The following RALYL variants were observed in gnomAD, a reference collection of about 807,000 sequenced individuals.
RALYL encodes RNA-binding Raly-like protein.
In RALYL, 29 loss-of-function variants were observed where a neutral mutation model predicts 35.1. That is an observed-to-expected ratio of 0.83 (90% CI 0.61 to 1.13). The LOEUF is 1.13. RALYL is among the 50% of genes most tolerant of loss of function. The pLI is 0.00. For missense variants in RALYL, 359 were observed against 360.4 expected, an observed-to-expected ratio of 1.00 and a Z score of 0.03; for synonymous variants, 120 against 127.6, an observed-to-expected ratio of 0.94 and a Z score of 0.40.
At chr8:84,534,334 A>C (rs909913992) in intron 2 of RALYL, among the ~76,000 whole-genome samples, 1 of 152,214 alleles carries the variant, frequency 6.6e-6, no homozygotes, top group Non-Finnish European at 1.5e-5. Flanking sequence ...CAGATCTCAA[A>C]TGAAATTTCA....
chr8:84,622,403 C>T (rs187594795), intron 2 of RALYL, among the ~76,000 whole-genome samples: 15 of 152,270 alleles, frequency 9.9e-5, no homozygotes, highest in South Asian at 6.2e-4. Context: ...ATATGAGCAT[C>T]GTTTACTAGG....
At chr8:84,748,862 C>T (rs10096903) in intron 2 of RALYL, among the ~76,000 whole-genome samples, 42,797 of 151,840 alleles carry the variant, frequency 0.28, 6,614 homozygotes, top group African/African-American at 0.39. Flanking sequence ...AAAATATCAA[C>T]GAGCCGGCAT....
At chr8:84,533,860 T>G (rs1343696084) in intron 2 of RALYL, among the ~76,000 whole-genome samples, 1 of 152,140 alleles carries the variant, frequency 6.6e-6, no homozygotes. Flanking sequence ...AGGAAGATGT[T>G]TGAGAGAGAT....
At chr8:84,894,893 G>A (rs1181420864) in intron 8 of RALYL, among the ~76,000 whole-genome samples, 2 of 152,148 alleles carry the variant, frequency 1.3e-5, no homozygotes, top group African/African-American at 4.8e-5. Context: ...CAAGAGCTCT[G>A]CCTGCAGTCT....
At chr8:84,297,332 T>C (rs767748843) in intron 1 of RALYL, among the ~76,000 whole-genome samples, 1 of 152,100 alleles carries the variant, frequency 6.6e-6, no homozygotes, top group African/African-American at 2.4e-5. Flanking sequence ...CTGTGTTAGT[T>C]CACTTAAGAT....
chr8:84,501,998 G>T (rs184303688), intron 1 of RALYL, among the ~76,000 whole-genome samples: 1 of 151,530 alleles, frequency 6.6e-6, no homozygotes, highest in Non-Finnish European at 1.5e-5. Flanking sequence ...ATTGATTATT[G>T]TAAAGGTGTA....
rs1468212878 is a variant in RALYL, at chr8:84,617,967, T to G, written c.256+88390T>G. 2.6e-5 allele frequency among the ~76,000 whole-genome samples: 4 copies of G among 151,822 alleles called. No individual in the cohort carries two copies. In the East Asian group the frequency reaches 7.7e-4, roughly 29 times the overall value. On this transcript the variant is annotated intron_variant, in intron 2 of 8. Coordinates refer to ENST00000521268, the MANE Select transcript of RALYL (RefSeq NM_173848.7). ...CCCACTTGATCATGGTGGATAAGCC[T>G]TTTGATGTGCTGCTGGATTCGTTTT...
intron 1 of RALYL, among the ~76,000 whole-genome samples, chr8:84,333,894 T>C (rs932601485): frequency 2.0e-5 from 3 of 152,110 alleles, no homozygotes; most frequent in Admixed American, 1.3e-4. Flanking sequence ...ACTTGTTTTT[T>C]TCCCCCCTTG....
intron 2 of RALYL, among the ~76,000 whole-genome samples, chr8:84,694,106 C>A (rs571237957): frequency 2.6e-5 from 4 of 151,854 alleles, no homozygotes; most frequent in African/African-American, 9.6e-5. Context: ...GAAGTCCTAG[C>A]CAAAGCAATT....
At chr8:84,210,373 T>C (rs1167468088) in intron 1 of RALYL, among the ~76,000 whole-genome samples, 2 of 146,112 alleles carry the variant, frequency 1.4e-5, no homozygotes, top group East Asian at 2.0e-4. Flanking sequence ...TTTCTCAAAT[T>C]GGATTTTTTT....
chr8:84,860,612 C>T (rs1283327829), intron 5 of RALYL, among the ~76,000 whole-genome samples: 1 of 152,212 alleles, frequency 6.6e-6, no homozygotes, highest in East Asian at 1.9e-4. Flanking sequence ...TTTTCAGCCT[C>T]ATCCTGCCTG....
At chr8:84,507,680 A>T (rs2057287729) in intron 1 of RALYL, among the ~76,000 whole-genome samples, 1 of 152,184 alleles carries the variant, frequency 6.6e-6, no homozygotes, top group South Asian at 2.1e-4. Context: ...TTCCCTCCAA[A>T]GGCAGAGCAC....
chr8:84,787,560 T>C (rs1488175304), intron 3 of RALYL, among the ~76,000 whole-genome samples: 1 of 152,228 alleles, frequency 6.6e-6, no homozygotes, highest in Non-Finnish European at 1.5e-5. Context: ...CTGAGTCAAA[T>C]GATATTTCTG....
intron 2 of RALYL, among the ~76,000 whole-genome samples, chr8:84,766,061 G>A (rs1013917234): frequency 2.0e-5 from 3 of 152,066 alleles, no homozygotes; most frequent in African/African-American, 4.8e-5. Flanking sequence ...GTTTATTGTA[G>A]CAGTGTAAAT....
chr8:84,238,391 C>A (rs1047174416), intron 1 of RALYL, among the ~76,000 whole-genome samples: 2 of 151,944 alleles, frequency 1.3e-5, no homozygotes, highest in African/African-American at 4.8e-5. Flanking sequence ...AGACTCAAAT[C>A]TTCTTGAGGG....
intron 2 of RALYL, among the ~76,000 whole-genome samples, chr8:84,725,314 T>A (rs2132707455): frequency 6.6e-6 from 1 of 151,872 alleles, no homozygotes; most frequent in East Asian, 1.9e-4. Flanking sequence ...TAGGCCACAC[T>A]TATTTCTTTT....
intron 8 of RALYL, among the ~76,000 whole-genome samples, chr8:84,895,713 T>C (rs1456347460): frequency 1.3e-5 from 2 of 152,154 alleles, no homozygotes; most frequent in Admixed American, 6.5e-5. Flanking sequence ...GGTTTCACCA[T>C]GTTGGCCAGA....
chr8:84,252,716 T>C (rs1028580824), intron 1 of RALYL, among the ~76,000 whole-genome samples: 9 of 152,236 alleles, frequency 5.9e-5, no homozygotes, highest in Non-Finnish European at 1.2e-4. Context: ...TCTACCTGAC[T>C]TTTTTCATTA....
Position 84,871,216 on chromosome 8 carries a change from G to C in RALYL, c.572-2068G>C, listed in dbSNP as rs116289428. 3.0e-3 allele frequency among the ~76,000 whole-genome samples: 450 copies of C among 152,282 alleles called. 2 individuals are homozygous for C. Among genetic ancestry groups the C allele is most frequent in the African/African-American group, 0.01 (431 of 41,546 alleles). On this transcript the variant is annotated intron_variant, in intron 6 of 8. Coordinates refer to ENST00000521268, the MANE Select transcript of RALYL (RefSeq NM_173848.7). ...GCTAGACCTGAGTCTAGACTTAAAT[G>C]AAACCTTGGCTCCCTGGAGACTTCT... is the stretch of plus-strand genomic sequence containing the variant.
Sources: allele counts gnomAD v4.1 joint callset (sites outside exome capture counted in the v4.1 genomes callset), GRCh38; gene constraint gnomAD v4.1.1; transcripts MANE v1.5; gene names NCBI Gene and HGNC (gene_info 2026-07-23, HGNC 2026-07-21).